Variants in CNTN1 observed in about 807,000 individuals in gnomAD.
CNTN1 encodes the protein contactin-1.
In CNTN1, 38 loss-of-function variants were observed where a neutral mutation model predicts 126.4. That is an observed-to-expected ratio of 0.30 (90% confidence interval 0.23 to 0.39). The LOEUF is 0.39. Ranked by LOEUF, CNTN1 falls within the 10% of genes least tolerant of loss-of-function variation. The probability of loss-of-function intolerance (pLI) is 1.00; values close to 1 mark genes in which losing one functional copy is unlikely to be tolerated. For synonymous variants in CNTN1, 413 were observed against 422.6 expected (o/e 0.98, Z 0.28); for missense variants, 1,009 against 1,248.4 (o/e 0.81, Z 2.89).
chr12:40,781,756 C>T (rs1342658347), intron 1 of CNTN1, among the ~76,000 whole-genome samples: 1 of 151,952 alleles, frequency 6.6e-6, no homozygotes, highest in East Asian at 1.9e-4. Context: ...TTAATTGTTT[C>T]TGTGTGTACA....
chr12:41,068,126 C>T (rs1466958564), intron 23 of CNTN1, among the ~76,000 whole-genome samples: 3 of 152,152 alleles, frequency 2.0e-5, no homozygotes, highest in Non-Finnish European at 4.4e-5. Context: ...AAGTGCATGG[C>T]CTTTGCAGCT....
At chr12:41,009,924 T>C (rs1415501651) in intron 17 of CNTN1, among the ~76,000 whole-genome samples, 1 of 152,204 alleles carries the variant, frequency 6.6e-6, no homozygotes, top group African/African-American at 2.4e-5. Context: ...TGCCTGCAAG[T>C]AAAATATCTC....
intron 1 of CNTN1, among the ~76,000 whole-genome samples, chr12:40,807,891 G>T (rs1940916916): frequency 6.6e-6 from 1 of 152,086 alleles, no homozygotes; most frequent in Admixed American, 6.6e-5. Context: ...TCATCCAGGA[G>T]GGATGGGAAT....
chr12:40,851,241 T>C (rs1439154174), intron 1 of CNTN1, among the ~76,000 whole-genome samples: 1 of 152,212 alleles, frequency 6.6e-6, no homozygotes, highest in Non-Finnish European at 1.5e-5. Context: ...AGCTTAGAAA[T>C]AGGTGTGACT....
At chr12:40,908,309 T>C in intron 1 of CNTN1, 48 bp from the exon 2 acceptor site, 2 of 679,522 alleles carry the variant, frequency 2.9e-6, no homozygotes, top group Non-Finnish European at 2.6e-6. Context: ...CCTTCCCCTC[T>C]CCTTCCTTCT....
chr12:41,046,446 T>C (rs1459613215), intron 23 of CNTN1, among the ~76,000 whole-genome samples: 2 of 152,138 alleles, frequency 1.3e-5, no homozygotes, highest in African/African-American at 4.8e-5. Context: ...TTAAATCTGC[T>C]CCTAGATCCT....
chr12:41,019,643 G>A (rs945120868), intron 19 of CNTN1, among the ~76,000 whole-genome samples: 4 of 152,044 alleles, frequency 2.6e-5, no homozygotes, highest in Admixed American at 6.6e-5. Flanking sequence ...TTTTTTCTGT[G>A]AACAGAGACC....
chr12:40,783,222 GA>G (rs34885405), intron 1 of CNTN1, among the ~76,000 whole-genome samples: 29,448 of 151,818 alleles, frequency 0.19, 3,204 homozygotes, highest in East Asian at 0.43. Flanking sequence ...AAAGATTTTA[GA>G]GTGGGTGATT....
chr12:41,002,509 T>G lies in CNTN1; in HGVS notation c.2113+9240T>G, dbSNP rs536387366. 2.6e-5 allele frequency among the ~76,000 whole-genome samples: 4 copies of G among 152,218 alleles called. No individual in the cohort carries two copies. The South Asian group carries it at 8.3e-4, about 32-fold the overall frequency. On this transcript the variant is annotated intron_variant, in intron 17 of 23. Transcript: ENST00000551295. ...TTTGTATCTTGAGACTTTGCTGAAG[T>G]TGTTTATCAGCTTAAGAAGCTTTTG... is the stretch of plus-strand genomic sequence containing the variant.
At chr12:40,902,804 T>C (rs1290968055) in intron 1 of CNTN1, among the ~76,000 whole-genome samples, 2 of 152,174 alleles carry the variant, frequency 1.3e-5, no homozygotes, top group Admixed American at 6.5e-5. Flanking sequence ...ATAATTTATT[T>C]GGACTATCCA....
intron 1 of CNTN1, among the ~76,000 whole-genome samples, chr12:40,759,455 CTTCCCT>C (rs1203581597): frequency 1.6e-4 from 24 of 150,684 alleles, no homozygotes; most frequent in Admixed American, 1.5e-3. Flanking sequence ...CTTCCCTTCC[CTTCCCT>C]TTCCCTTTCT....
chr12:40,839,328 G>A (rs1304746432), intron 1 of CNTN1, among the ~76,000 whole-genome samples: 2 of 151,686 alleles, frequency 1.3e-5, no homozygotes, highest in Non-Finnish European at 1.5e-5. Flanking sequence ...CTCCAAGGGT[G>A]AAGAAACAAC....
At chr12:40,836,630 T>A (rs2136568008) in intron 1 of CNTN1, among the ~76,000 whole-genome samples, 1 of 152,316 alleles carries the variant, frequency 6.6e-6, no homozygotes, top group South Asian at 2.1e-4. Context: ...ACATCAAGGA[T>A]AACTTCCTCA....
chr12:40,723,863 G>A (rs970527338), intron 1 of CNTN1, among the ~76,000 whole-genome samples: 6 of 152,126 alleles, frequency 3.9e-5, no homozygotes, highest in African/African-American at 9.7e-5. Context: ...TGGAAGAGAC[G>A]GTAGCAGGGC....
At chr12:41,028,016 A>T (rs1949070885) in intron 22 of CNTN1, 47 bp downstream of exon 22, 1 of 1,344,874 alleles carries the variant, frequency 7.4e-7, no homozygotes, top group Non-Finnish European at 1.1e-6. Flanking sequence ...TTGCTATTTC[A>T]GTGAAACCCA....
At chr12:41,051,586 A>G (rs1346853725) in intron 23 of CNTN1, among the ~76,000 whole-genome samples, 2 of 152,104 alleles carry the variant, frequency 1.3e-5, no homozygotes, top group Non-Finnish European at 2.9e-5. Flanking sequence ...CTATTATATT[A>G]TTCTACAATT....
intron 23 of CNTN1, among the ~76,000 whole-genome samples, chr12:41,052,569 T>G (rs1355052489): frequency 6.6e-6 from 1 of 152,138 alleles, no homozygotes; most frequent in African/African-American, 2.4e-5. Flanking sequence ...TTTGTTTTCT[T>G]TATCATACTT....
intron 1 of CNTN1, among the ~76,000 whole-genome samples, chr12:40,733,969 C>T (rs1942559009): frequency 6.6e-6 from 1 of 151,990 alleles, no homozygotes; most frequent in African/African-American, 2.4e-5. Flanking sequence ...GTCTCTGTTC[C>T]TGGGTTTTCC....
chr12:40,707,409 C>T (rs1215561639), intron 1 of CNTN1, among the ~76,000 whole-genome samples: 3 of 151,798 alleles, frequency 2.0e-5, no homozygotes, highest in Non-Finnish European at 4.4e-5. Flanking sequence ...CCACCACACC[C>T]GGCTAATTGT....
Sources: allele counts gnomAD v4.1 joint callset (sites outside exome capture counted in the v4.1 genomes callset), GRCh38; gene constraint gnomAD v4.1.1; transcripts MANE v1.5; gene names NCBI Gene and HGNC (gene_info 2026-07-23, HGNC 2026-07-21).